Variants in ANO5 observed in about 807,000 individuals in gnomAD.
The protein encoded by ANO5 is anoctamin-5.
A neutral mutation model predicts 121.0 loss-of-function variants in ANO5; 109 were observed. The observed-to-expected ratio is 0.90, with a 90% CI of 0.77 to 1.06. The LOEUF is 1.06. Ranked by LOEUF, ANO5 falls within the 50% of genes least tolerant of loss-of-function variation. The pLI is 0.00. For synonymous variants in ANO5, 406 were observed against 359.9 expected (o/e 1.13, Z -1.45); for missense variants, 1,064 against 1,078.5 (o/e 0.99, Z 0.19).
Position 22,262,239 on chromosome 11 carries a change from A to C in ANO5, c.1741A>C (p.Lys581Gln), listed in dbSNP as rs755675271. 9 of 1,613,740 alleles carry C rather than the reference A, an allele frequency of 5.6e-6. No homozygotes were observed. In the East Asian group the frequency reaches 1.8e-4, roughly 32 times the overall value. The change falls in exon 16 of 22, where the codon AAG becomes CAG. Residue 581 changes from lysine (K) to glutamine (Q), a missense_variant. Physicochemically the swap from Lys to Gln is moderately conservative, Grantham distance 53 (BLOSUM62 1). Coordinates refer to ENST00000324559, the MANE Select transcript of ANO5 (RefSeq NM_213599.3). ...SCFYVAFFKG[K>Q]FVGYPGKYTY... ...CTTCTACGTAGCTTTCTTTAAAGGG[A>C]AGTTCGTAGGCTATCCTGGAAAATA...
intron 19 of ANO5, among the ~76,000 whole-genome samples, chr11:22,273,960 A>G (rs1259238976): frequency 7.9e-5 from 12 of 152,100 alleles, no homozygotes; most frequent in Non-Finnish European, 1.6e-4. Context: ...GTAGCACTAA[A>G]ATTATAAGTG....
intron 21 of ANO5, 63 bp from the exon 22 acceptor site, chr11:22,279,481 G>A (rs1854992449): frequency 7.3e-7 from 1 of 1,377,222 alleles, no homozygotes; most frequent in Admixed American, 1.7e-5. Context: ...GATTTGTAAA[G>A]ACTTTCTGCT....
chr11:22,274,582 C>A lies in ANO5; in HGVS notation c.2249C>A (p.Ala750Glu). 6.3e-7 allele frequency: 1 copy of A among 1,595,502 alleles called. No homozygotes were observed. The highest frequency in any genetic ancestry group is 8.6e-7 in the Non-Finnish European group (1 of 1,168,402). Residue 750 changes from alanine (A) to glutamate (E), a missense_variant, in exon 20 of 22, where the codon GCA becomes GAA. Physicochemically the swap from Ala to Glu is moderately radical, Grantham distance 107. Coordinates refer to ENST00000324559, the MANE Select transcript of ANO5 (RefSeq NM_213599.3). The part of the protein sequence containing the change: ...LSVATNAFIV[A>E]FTSDIIPRLV... ...TTTATTCTTCAGGCCTTTATTGTTG[C>A]ATTTACGTCAGACATCATTCCCCGT...
At chr11:22,217,348 G>A (rs1049387968) in intron 3 of ANO5, among the ~76,000 whole-genome samples, 3 of 151,366 alleles carry the variant, frequency 2.0e-5, no homozygotes, top group Non-Finnish European at 4.4e-5. Context: ...TTTAAATAAT[G>A]ACCATGTAAT....
In ANO5 at chr11:22,272,895, C is replaced by G. The variant is rs200631556; in HGVS notation, c.2141C>G (p.Thr714Ser). The G allele has an allele frequency of 7.9e-4, 1,271 of 1,614,064 alleles. 4 individuals are homozygous for G. Among genetic ancestry groups the G allele is most frequent in the Middle Eastern group, 5.4e-3 (33 of 6,062 alleles). ...CGAGTGGATGCCTGGAAACTTACCA[C>G]TCAATACAGGAGAACTGTAGCTTCT... is the stretch of plus-strand genomic sequence containing the variant. Reference protein sequence around the residue: ...EIRVDAWKLTTQYRRTVASKA... With the variant: ...EIRVDAWKLTSQYRRTVASKA... Residue 714 changes from threonine to serine, a missense_variant, in exon 19 of 22, where the codon ACT (threonine) becomes AGT (serine). Transcript: ENST00000324559.
rs558747863 is a variant in ANO5 at position 22,274,560 on chromosome 11, A to C, written c.2236-9A>C. Reference sequence around the variant, plus strand: ...TGATGATCTTCCTCTTTTTTTTTTTATTCTTCAGGCCTTTATTGTTGCATT... The same window carrying C: ...TGATGATCTTCCTCTTTTTTTTTTTCTTCTTCAGGCCTTTATTGTTGCATT... On this transcript the variant is annotated splice_polypyrimidine_tract_variant and intron_variant, in intron 19 of 21. Coordinates refer to ENST00000324559, the MANE Select transcript of ANO5 (RefSeq NM_213599.3). The C allele has an allele frequency of 6.6e-7, 1 of 1,518,844 alleles. No individual in the cohort carries two copies. Among genetic ancestry groups the C allele is most frequent in the South Asian group, 1.3e-5 (1 of 77,174 alleles). The allele number at this position is 1,518,844 out of a possible 1,614,324, so 94.1% of individuals were successfully genotyped here.
At chr11:22,208,025 A>G (rs1471561529) in intron 2 of ANO5, among the ~76,000 whole-genome samples, 1 of 152,062 alleles carries the variant, frequency 6.6e-6, no homozygotes, top group Non-Finnish European at 1.5e-5. Context: ...AATAGTGACA[A>G]TACAACTTAC....
chr11:22,248,981 GA>G (rs1302014398), intron 9 of ANO5, among the ~76,000 whole-genome samples: 1 of 151,740 alleles, frequency 6.6e-6, no homozygotes, highest in Non-Finnish European at 1.5e-5. Context: ...ACATTTTTCA[GA>G]AAAAAACTGG....
At chr11:22,259,065 G>C (rs187368974) in intron 14 of ANO5, among the ~76,000 whole-genome samples, 1 of 151,238 alleles carries the variant, frequency 6.6e-6, no homozygotes, top group African/African-American at 2.4e-5. Flanking sequence ...CCTGGAAGGC[G>C]GAGCTTGCAG....
At chr11:22,217,130 G>A (rs1184490563) in intron 3 of ANO5, among the ~76,000 whole-genome samples, 1 of 151,888 alleles carries the variant, frequency 6.6e-6, no homozygotes, top group Non-Finnish European at 1.5e-5. Flanking sequence ...AGTTTACAGG[G>A]CAGGAATTTT....
At chr11:22,202,054 G>T (rs1388219208) in intron 1 of ANO5, among the ~76,000 whole-genome samples, 1 of 151,760 alleles carries the variant, frequency 6.6e-6, no homozygotes, top group Non-Finnish European at 1.5e-5. Context: ...GAGGTTGGTT[G>T]GTTTTAGTTA....
chr11:22,267,859 C>T (rs1854429784), intron 17 of ANO5, among the ~76,000 whole-genome samples: 1 of 152,122 alleles, frequency 6.6e-6, no homozygotes, highest in African/African-American at 2.4e-5. Context: ...TAAGTGAGAA[C>T]ATGTGGTATT....
At chr11:22,217,456 A>G (rs576724350) in intron 3 of ANO5, among the ~76,000 whole-genome samples, 1 of 151,912 alleles carries the variant, frequency 6.6e-6, no homozygotes, top group Non-Finnish European at 1.5e-5. Context: ...AACCTGGGTA[A>G]ACTTTCCATA....
intron 7 of ANO5, among the ~76,000 whole-genome samples, 170 bp downstream of exon 7, chr11:22,227,756 A>G (rs915813263): frequency 1.3e-5 from 2 of 152,102 alleles, no homozygotes; most frequent in African/African-American, 4.8e-5. Flanking sequence ...ACATAAACGT[A>G]TTACTCTCCC....
chr11:22,238,101 C>A (rs1417142731), intron 8 of ANO5, among the ~76,000 whole-genome samples: 1 of 152,008 alleles, frequency 6.6e-6, no homozygotes, highest in African/African-American at 2.4e-5. Context: ...GGGTGCAGAA[C>A]CTGCAGATAC....
intron 8 of ANO5, among the ~76,000 whole-genome samples, chr11:22,237,717 T>C (rs371030394): frequency 7.2e-5 from 11 of 152,144 alleles, no homozygotes; most frequent in Admixed American, 2.0e-4. Flanking sequence ...TTTTCCAAAA[T>C]GAGTCGCCAT....
At position 22,281,395 on chromosome 11, in the gene ANO5, C is replaced by A. The variant is rs144731464; in HGVS notation, c.*1630C>A. On this transcript the variant is annotated 3_prime_UTR_variant, in exon 22 of 22. Transcript: ENST00000324559. ...TATGAGACAGTCACCCCAGTTTGGA[C>A]TGGGACTAATCCCCAGTACTGATTT... 83 of 152,156 alleles carry A rather than the reference C, an allele frequency of 5.5e-4. No individual in the cohort carries two copies. In the East Asian group the frequency reaches 0.011, roughly 20 times the overall value. 9.4% of individuals were successfully genotyped at this position (152,156 alleles called of 1,614,324 possible).
intron 7 of ANO5, among the ~76,000 whole-genome samples, chr11:22,233,155 T>C (rs936008141): frequency 2.0e-5 from 3 of 151,974 alleles, no homozygotes; most frequent in African/African-American, 7.2e-5. Context: ...AGTTACAGCA[T>C]GGAGCCAGGT....
rs1855027512 is a variant in ANO5 at position 22,280,092 on chromosome 11, T to TC, written c.*330dup. On this transcript the variant is annotated 3_prime_UTR_variant, in exon 22 of 22. Transcript: ENST00000324559. ...AGTAAGAAACACTGGCCTTGGGCTG[T>TC]CCCATCACTTTCCAGTGCATCTATT... The TC allele has an allele frequency of 3.7e-6, 1 of 270,072 alleles. No individual in the cohort carries two copies. Among genetic ancestry groups the TC allele is most frequent in the African/African-American group, 2.3e-5 (1 of 44,198 alleles). 16.7% of individuals were successfully genotyped at this position (270,072 alleles called of 1,614,324 possible).
Sources: gnomAD v4.1 joint callset for allele counts (sites outside exome capture counted in the v4.1 genomes callset) on GRCh38, gnomAD v4.1.1 for gene constraint, MANE v1.5 for transcripts, NCBI Gene and HGNC (gene_info 2026-07-23, HGNC 2026-07-21) for gene names.